Variants in PAPPA observed in about 807,000 individuals in gnomAD.
PAPPA encodes the protein pappalysin 1.
A neutral mutation model predicts 164.0 loss-of-function variants in PAPPA; 60 were observed. The observed-to-expected ratio is 0.37, with a 90% CI of 0.30 to 0.45. The LOEUF (loss-of-function observed/expected upper bound fraction) is 0.45. Ranked by LOEUF, PAPPA falls within the 20% of genes least tolerant of loss-of-function variation. The pLI is 1.00. For synonymous variants in PAPPA, 875 were observed against 814.1 expected, an observed-to-expected ratio of 1.07 and a Z score of -1.27; for missense variants, 1,782 against 2,087.3, an observed-to-expected ratio of 0.85 and a Z score of 2.85.
intron 21 of PAPPA, among the ~76,000 whole-genome samples, chr9:116,390,551 A>G (rs1846876478): frequency 6.6e-6 from 1 of 152,052 alleles, no homozygotes; most frequent in African/African-American, 2.4e-5. Context: ...AGGGAATCCC[A>G]GAAGGCCTTT....
At chr9:116,257,091 T>A (rs922252821) in intron 7 of PAPPA, among the ~76,000 whole-genome samples, 3 of 152,022 alleles carry the variant, frequency 2.0e-5, no homozygotes, top group African/African-American at 4.8e-5. Context: ...ATGGAATTTC[T>A]AACAAGCGAA....
chr9:116,196,259 G>A (rs910950159), intron 2 of PAPPA, among the ~76,000 whole-genome samples: 1 of 152,206 alleles, frequency 6.6e-6, no homozygotes, highest in African/African-American at 2.4e-5. Context: ...CAAATGTTGT[G>A]TTCCCTGTCC....
At chr9:116,334,730 C>G (rs960755849) in intron 12 of PAPPA, 131 bp from the exon 13 acceptor site, 9 of 641,436 alleles carry the variant, frequency 1.4e-5, no homozygotes, top group Non-Finnish European at 2.2e-5. Context: ...AAATCCTCAC[C>G]GGCCGCCCAA....
At chr9:116,327,515 C>T (rs1191594406) in intron 10 of PAPPA, among the ~76,000 whole-genome samples, 2 of 152,032 alleles carry the variant, frequency 1.3e-5, no homozygotes, top group Non-Finnish European at 2.9e-5. Flanking sequence ...TGCATGTCTC[C>T]TCCCAAAACA....
chr9:116,290,152 AT>A (rs1845418227), intron 9 of PAPPA, among the ~76,000 whole-genome samples: 1 of 151,940 alleles, frequency 6.6e-6, no homozygotes. Context: ...TAATGCTGTC[AT>A]TTTTTTTAAT....
intron 13 of PAPPA, among the ~76,000 whole-genome samples, chr9:116,338,994 T>A (rs1294069843): frequency 6.6e-6 from 1 of 152,130 alleles, no homozygotes; most frequent in African/African-American, 2.4e-5. Context: ...GGATGGGAAA[T>A]CTAAGTTCTA....
intron 4 of PAPPA, among the ~76,000 whole-genome samples, chr9:116,215,797 GT>G (rs1844363494): frequency 6.6e-6 from 1 of 152,162 alleles, no homozygotes; most frequent in East Asian, 1.9e-4. Context: ...ATCATAATTA[GT>G]GCTCAGTAAA....
chr9:116,188,724 A>T lies in PAPPA; in HGVS notation c.1478+508A>T, dbSNP rs570104037. 2.6e-5 allele frequency among the ~76,000 whole-genome samples: 4 copies of T among 152,332 alleles called. No homozygotes were observed. The East Asian group carries it at 7.7e-4, about 29-fold the overall frequency. Reference sequence around the variant, plus strand: ...CAATATGAAACACTTCAGTCATCACAGAAAGTTCTGGTGGACAGGCTCAAA... The same window carrying T: ...CAATATGAAACACTTCAGTCATCACTGAAAGTTCTGGTGGACAGGCTCAAA... On this transcript the variant is annotated intron_variant, in intron 2 of 21. Transcript: ENST00000328252.
At chr9:116,375,769 T>C (rs1846641170) in intron 19 of PAPPA, among the ~76,000 whole-genome samples, 2 of 152,118 alleles carry the variant, frequency 1.3e-5, no homozygotes, top group Non-Finnish European at 1.5e-5. Flanking sequence ...GAATAGGCTG[T>C]TTACATGGAT....
intron 10 of PAPPA, among the ~76,000 whole-genome samples, chr9:116,306,959 C>T (rs1443234266): frequency 1.3e-5 from 2 of 152,176 alleles, no homozygotes; most frequent in Admixed American, 1.3e-4. Flanking sequence ...CAATTTATTT[C>T]CTTAATCCTT....
At chr9:116,162,942 A>G (rs1587934464) in intron 1 of PAPPA, among the ~76,000 whole-genome samples, 1 of 152,214 alleles carries the variant, frequency 6.6e-6, no homozygotes, top group Admixed American at 6.5e-5. Context: ...TAAACACATT[A>G]TTGTGTCATT....
At chr9:116,298,199 T>C (rs1265367476) in intron 9 of PAPPA, among the ~76,000 whole-genome samples, 3 of 152,338 alleles carry the variant, frequency 2.0e-5, no homozygotes, top group South Asian at 4.1e-4. Context: ...CTCAGGGACA[T>C]GGCATTTCAC....
intron 14 of PAPPA, 28 bp from the exon 15 acceptor site, chr9:116,346,998 C>T: frequency 6.3e-7 from 1 of 1,583,726 alleles, no homozygotes; most frequent in Non-Finnish European, 8.6e-7. Flanking sequence ...GTCTGCCACT[C>T]CTCACTATGC....
chr9:116,376,998 A>G (rs1846662177), intron 19 of PAPPA, among the ~76,000 whole-genome samples: 1 of 152,160 alleles, frequency 6.6e-6, no homozygotes, highest in Non-Finnish European at 1.5e-5. Context: ...GCAGAGTCTC[A>G]GGGCCTGGTC....
At chr9:116,175,745 T>C (rs766056287) in intron 1 of PAPPA, among the ~76,000 whole-genome samples, 57 of 152,290 alleles carry the variant, frequency 3.7e-4, no homozygotes, top group Non-Finnish European at 4.4e-4. Context: ...AGGGTGGTGA[T>C]AGACATGTAC....
intron 21 of PAPPA, among the ~76,000 whole-genome samples, chr9:116,388,764 G>GT (rs1034395892): frequency 2.3e-4 from 35 of 152,320 alleles, no homozygotes; most frequent in African/African-American, 8.2e-4. Context: ...GACCTACAGA[G>GT]AATAAGAAGA....
At chr9:116,219,660 G>T (rs142308429) in intron 4 of PAPPA, among the ~76,000 whole-genome samples, 1 of 152,142 alleles carries the variant, frequency 6.6e-6, no homozygotes, top group East Asian at 1.9e-4. Flanking sequence ...GTCCTTTGCC[G>T]TGACCTCTGG....
At chr9:116,246,183 C>T (rs1043122974) in intron 7 of PAPPA, among the ~76,000 whole-genome samples, 2 of 152,082 alleles carry the variant, frequency 1.3e-5, no homozygotes, top group Non-Finnish European at 2.9e-5. Context: ...TTACAATGGA[C>T]CTGACACACT....
intron 7 of PAPPA, among the ~76,000 whole-genome samples, chr9:116,250,355 T>A (rs1844846827): frequency 6.6e-6 from 1 of 152,182 alleles, no homozygotes; most frequent in Admixed American, 6.5e-5. Context: ...TTTGCCCCAG[T>A]TTCAGAATCC....
Sources: gnomAD v4.1 joint callset for allele counts (sites outside exome capture counted in the v4.1 genomes callset) on GRCh38, gnomAD v4.1.1 for gene constraint, MANE v1.5 for transcripts, NCBI Gene and HGNC (gene_info 2026-07-23, HGNC 2026-07-21) for gene names.